Variants in TAMM41 observed in about 807,000 individuals in gnomAD.
TAMM41 encodes the protein phosphatidate cytidylyltransferase, mitochondrial.
TAMM41 carries 36 observed loss-of-function variants against 44.1 expected under a neutral mutation model. The ratio of observed to expected loss-of-function variants is 0.82; its 90% confidence interval spans 0.63 to 1.08. The LOEUF (loss-of-function observed/expected upper bound fraction) is 1.08, where lower values mean the gene tolerates loss of function less well. TAMM41 is among the 50% of genes least tolerant of loss of function. TAMM41 has a pLI of 0.00. For missense variants in TAMM41, 417 were observed against 404.3 expected (o/e 1.03, Z -0.27); for synonymous variants, 164 against 153.1 (o/e 1.07, Z -0.53).
the TAMM41 span, among the ~76,000 whole-genome samples, chr3:11,726,116 T>A: frequency 6.6e-6 from 1 of 152,230 alleles, no homozygotes; most frequent in African/African-American, 2.4e-5. Context: ...CATATAGACA[T>A]CTACTGTTCC....
chr3:11,794,231 G>A (rs967167715), intron 7 of TAMM41, among the ~76,000 whole-genome samples: 4 of 151,792 alleles, frequency 2.6e-5, no homozygotes, highest in Non-Finnish European at 2.9e-5. Context: ...CGATCTTCTG[G>A]GCTCAAGAGA....
At chr3:11,799,207 C>T (rs1020228161) in intron 7 of TAMM41, among the ~76,000 whole-genome samples, 3 of 151,956 alleles carry the variant, frequency 2.0e-5, no homozygotes, top group South Asian at 4.2e-4. Flanking sequence ...AAAAAACAAA[C>T]GTAAAATACA....
At chr3:11,831,718 T>A (rs952563084) in intron 3 of TAMM41, among the ~76,000 whole-genome samples, 1 of 152,226 alleles carries the variant, frequency 6.6e-6, no homozygotes, top group African/African-American at 2.4e-5. Context: ...TCTCTTCTAA[T>A]TGTAAAAAAC....
chr3:11,801,169 A>G (rs2077741679), intron 7 of TAMM41, among the ~76,000 whole-genome samples: 1 of 152,172 alleles, frequency 6.6e-6, no homozygotes, highest in Admixed American at 6.5e-5. Context: ...CTACAAAACA[A>G]GTCTTAACAA....
At chr3:11,767,626 A>ATTTTTTT in the TAMM41 span, among the ~76,000 whole-genome samples, 320 of 60,694 alleles carry the variant, frequency 5.3e-3, 65 homozygotes, top group African/African-American at 0.021. Context: ...CACGTTGTGC[A>ATTTTTTT]TTTTTTTTTT....
chr3:11,734,973 C>T, the TAMM41 span, among the ~76,000 whole-genome samples: 106 of 150,814 alleles, frequency 7.0e-4, 1 homozygote, highest in Non-Finnish European at 1.2e-3. Flanking sequence ...TGCCTGAACC[C>T]GGGAGGCGGA....
intron 7 of TAMM41, among the ~76,000 whole-genome samples, chr3:11,800,603 A>C (rs2077724781): frequency 6.6e-6 from 1 of 151,968 alleles, no homozygotes; most frequent in South Asian, 2.1e-4. Context: ...GGATCAGTTC[A>C]CCAAAAGGGT....
At chr3:11,743,756 T>C in the TAMM41 span, among the ~76,000 whole-genome samples, 1 of 152,284 alleles carries the variant, frequency 6.6e-6, no homozygotes, top group Admixed American at 6.5e-5. Flanking sequence ...TTACCCTCAG[T>C]GCTCCCACTA....
At position 11,809,399 on chromosome 3, in the gene TAMM41, G is replaced by A; in HGVS notation, c.874+118C>T. ...CAAATTTTTAGTGCTTTCTTCTTCT[G>A]AGAGGCAATCTCTCTATCTCGCTAA... On this transcript the variant is annotated intron_variant, in intron 6 of 7. Coordinates refer to ENST00000455809, the MANE Select transcript of TAMM41 (RefSeq NM_001284401.2). 4 of 1,201,548 alleles carry A rather than the reference G, an allele frequency of 3.3e-6. No individual in the cohort carries two copies. The South Asian group carries it at 5.7e-5, about 17-fold the overall frequency. 74.4% of individuals were successfully genotyped at this position (1,201,548 alleles called of 1,614,324 possible). A position where few individuals can be genotyped will look rare whatever the true frequency, so the allele number is the denominator to read the frequency against.
the TAMM41 span, among the ~76,000 whole-genome samples, chr3:11,734,651 TGGGC>T: frequency 6.6e-6 from 1 of 152,198 alleles, no homozygotes; most frequent in Non-Finnish European, 1.5e-5. Flanking sequence ...TACTATGTGC[TGGGC>T]ACTCATGATT....
At position 11,800,742 on chromosome 3, in the gene TAMM41, C is replaced by G. The variant is rs534972099; in HGVS notation, c.937+7091G>C. ...GTGGGGGACTTCGACATTCTACTCACAGCACTATACAGACCATCGAGGCAA... is the reference window on the plus strand; with the variant it reads ...GTGGGGGACTTCGACATTCTACTCAGAGCACTATACAGACCATCGAGGCAA... On this transcript the variant is annotated intron_variant, in intron 7 of 7. Transcript: ENST00000455809. Among the ~76,000 whole-genome samples, 46 of 152,250 alleles carry G rather than the reference C, an allele frequency of 3.0e-4. No individual in the cohort carries two copies. The South Asian group carries it at 8.3e-3, about 27-fold the overall frequency.
chr3:11,813,860 GTA>G (rs2078173256), intron 5 of TAMM41, among the ~76,000 whole-genome samples: 7 of 147,800 alleles, frequency 4.7e-5, no homozygotes, highest in Admixed American at 2.0e-4. Flanking sequence ...GTGTGTGTAT[GTA>G]TGTATATATA....
At chr3:11,834,125 T>A (rs183701979) in intron 3 of TAMM41, among the ~76,000 whole-genome samples, 2 of 152,280 alleles carry the variant, frequency 1.3e-5, no homozygotes, top group Admixed American at 6.5e-5. Flanking sequence ...GTGCCTATAG[T>A]TCCGGCTACT....
chr3:11,729,008 C>CAAAAAAAAAAAAAAAAAAA, the TAMM41 span, among the ~76,000 whole-genome samples: 1 of 116,138 alleles, frequency 8.6e-6, no homozygotes, highest in Non-Finnish European at 1.8e-5. Flanking sequence ...GACTCTGTCT[C>CAAAAAAAAAAAAAAAAAAA]AAAAAAAAAA....
At chr3:11,722,841 C>T in the TAMM41 span, among the ~76,000 whole-genome samples, 2 of 152,310 alleles carry the variant, frequency 1.3e-5, no homozygotes, top group East Asian at 3.9e-4. Flanking sequence ...TGGTGGCACG[C>T]TGCTATAATC....
intron 5 of TAMM41, among the ~76,000 whole-genome samples, chr3:11,815,348 C>T (rs2078238455): frequency 6.6e-6 from 1 of 152,060 alleles, no homozygotes; most frequent in Non-Finnish European, 1.5e-5. Context: ...AGGAACAGGG[C>T]AGGGGGCTCC....
At chr3:11,830,156 G>A (rs773711363) in intron 3 of TAMM41, among the ~76,000 whole-genome samples, 1 of 152,180 alleles carries the variant, frequency 6.6e-6, no homozygotes, top group Non-Finnish European at 1.5e-5. Flanking sequence ...AAGTCCTTTG[G>A]AAACTTTAAT....
intron 7 of TAMM41, among the ~76,000 whole-genome samples, chr3:11,793,280 G>C (rs1021097473): frequency 6.6e-6 from 1 of 152,114 alleles, no homozygotes; most frequent in African/African-American, 2.4e-5. Context: ...AACTTCCTCA[G>C]TCATGAGGAA....
chr3:11,747,913 C>G, the TAMM41 span, among the ~76,000 whole-genome samples: 1 of 145,516 alleles, frequency 6.9e-6, no homozygotes, highest in African/African-American at 2.6e-5. Flanking sequence ...CTTGCTCTAT[C>G]CCCTAGGCTG....
Sources: allele counts gnomAD v4.1 joint callset (sites outside exome capture counted in the v4.1 genomes callset), GRCh38; gene constraint gnomAD v4.1.1; transcripts MANE v1.5; gene names NCBI Gene and HGNC (gene_info 2026-07-23, HGNC 2026-07-21).